The following KSR2 variants were observed in gnomAD, a reference collection of about 807,000 sequenced individuals.
KSR2 encodes kinase suppressor of ras 2.
A neutral mutation model predicts 107.8 loss-of-function variants in KSR2; 25 were observed. The ratio of observed to expected loss-of-function variants is 0.23; its 90% confidence interval spans 0.17 to 0.32. KSR2 has a LOEUF of 0.32. Among genes scored for constraint, KSR2 ranks in the 10% least tolerant of loss-of-function variants. KSR2 has a pLI of 1.00. For synonymous variants in KSR2, 480 were observed against 507.0 expected, an observed-to-expected ratio of 0.95 and a Z score of 0.71; for missense variants, 887 against 1,268.9, an observed-to-expected ratio of 0.70 and a Z score of 4.57.
rs1293394344 is a variant in KSR2, at chr12:117,539,767, G to A, written c.1639C>T (p.His547Tyr). ...PPSATPPSPL[H>Y]PSPQCTRQQK... is the part of the protein sequence containing the mutation. Reference sequence around the variant, plus strand: ...TGCCGTGTGCACTGTGGGGAAGGGTGTAGGGGAGAAGGCGGCGTGGCACTA... The same window carrying A: ...TGCCGTGTGCACTGTGGGGAAGGGTATAGGGGAGAAGGCGGCGTGGCACTA... Residue 547 changes from histidine (H) to tyrosine (Y), a missense_variant, in exon 10 of 20, where the codon CAC becomes TAC. His to Tyr is a moderately conservative substitution (Grantham distance 83). Coordinates refer to ENST00000339824, the MANE Select transcript of KSR2 (RefSeq NM_173598.6). 6.2e-7 allele frequency: 1 copy of A among 1,608,528 alleles called. No homozygotes were observed.
intron 5 of KSR2, among the ~76,000 whole-genome samples, chr12:117,633,311 A>G (rs1882895785): frequency 6.6e-6 from 1 of 152,148 alleles, no homozygotes; most frequent in Non-Finnish European, 1.5e-5. Flanking sequence ...TTCTTCTCAT[A>G]TCTGGCTCCT....
chr12:117,597,061 C>G (rs1324062441), intron 5 of KSR2, among the ~76,000 whole-genome samples: 1 of 152,034 alleles, frequency 6.6e-6, no homozygotes, highest in East Asian at 1.9e-4. Flanking sequence ...TACGTATCTC[C>G]CGTGCAAGGG....
chr12:117,860,196 T>C, intron 2 of KSR2, 95 bp downstream of exon 2: 1 of 1,340,964 alleles, frequency 7.5e-7, no homozygotes, highest in Non-Finnish European at 1.0e-6. Flanking sequence ...CCAGGGACTG[T>C]GCTGGGCACA....
intron 1 of KSR2, among the ~76,000 whole-genome samples, chr12:117,871,965 T>A (rs1366213822): frequency 2.0e-5 from 3 of 152,224 alleles, no homozygotes; most frequent in East Asian, 1.9e-4. Context: ...TTTATTTTTC[T>A]ATAAGCCTGA....
chr12:117,644,341 G>A (rs978763070), intron 5 of KSR2, among the ~76,000 whole-genome samples: 5 of 152,144 alleles, frequency 3.3e-5, no homozygotes, highest in Admixed American at 6.5e-5. Flanking sequence ...GAAAAAGTTC[G>A]CAGCATCTAC....
At chr12:117,652,276 C>T (rs1883936909) in intron 5 of KSR2, among the ~76,000 whole-genome samples, 1 of 151,922 alleles carries the variant, frequency 6.6e-6, no homozygotes. Context: ...ACTCATGTAA[C>T]CAAATACCAC....
At position 117,758,881 on chromosome 12, in the gene KSR2, G is replaced by A. The variant is rs561979229; in HGVS notation, c.986+2130C>T. ...GAGAAGCACAAAGTGTGGGGCCACC[G>A]TAGCAACCAAACCCCAAATGCCTCT... is the stretch of plus-strand genomic sequence containing the variant. On this transcript the variant is annotated intron_variant, in intron 4 of 19. Transcript: ENST00000339824. 2.2e-4 allele frequency among the ~76,000 whole-genome samples: 34 copies of A among 152,190 alleles called. No individual in the cohort carries two copies. The East Asian group carries it at 2.9e-3, about 13-fold the overall frequency.
chr12:117,674,261 C>T, intron 4 of KSR2: 1 of 503,938 alleles, frequency 2.0e-6, no homozygotes, highest in South Asian at 1.5e-5. Context: ...TGTTCTGGTC[C>T]AAGCCACCAC....
chr12:117,509,634 A>G (rs780810560), intron 14 of KSR2, among the ~76,000 whole-genome samples: 2 of 152,192 alleles, frequency 1.3e-5, no homozygotes, highest in Admixed American at 6.5e-5. Context: ...ACAGTCCTCA[A>G]TGGTCTACAA....
At position 117,539,816 on chromosome 12, in the gene KSR2, G is replaced by A. The variant is rs375430100; in HGVS notation, c.1590C>T (p.Ser530=). Residue 530 remains serine (S), a synonymous_variant, in exon 10 of 20, where the codon TCC becomes TCT. Coordinates refer to ENST00000339824, the MANE Select transcript of KSR2 (RefSeq NM_173598.6). ...TAGGAGGGAGGGGGGGTGCTGGCGA[G>A]GAGGGCGTGGAGGACGTCGTGGAGG... ...NPSSTTSSTP[S]SPAPPLPPSA... is the part of the protein sequence containing the mutation. 1.2e-3 allele frequency: 1,972 copies of A among 1,610,152 alleles called. 2 individuals are homozygous for A. The highest frequency in any genetic ancestry group is 1.6e-3 in the Non-Finnish European group (1,864 of 1,178,592).
intron 5 of KSR2, among the ~76,000 whole-genome samples, chr12:117,628,752 C>G (rs970749347): frequency 2.6e-5 from 4 of 152,246 alleles, no homozygotes; most frequent in African/African-American, 9.6e-5. Context: ...CAGACAGGGA[C>G]ATTTAAGTCT....
intron 17 of KSR2, among the ~76,000 whole-genome samples, chr12:117,472,022 GA>G (rs1871489008): frequency 6.6e-6 from 1 of 151,466 alleles, no homozygotes; most frequent in Non-Finnish European, 1.5e-5. Flanking sequence ...CGGAACGGTG[GA>G]AAGAAAAAAA....
At chr12:117,514,418 CTG>C (rs1427694087) in intron 14 of KSR2, among the ~76,000 whole-genome samples, 3 of 152,204 alleles carry the variant, frequency 2.0e-5, no homozygotes, top group African/African-American at 7.2e-5. Flanking sequence ...GCAAACCAGA[CTG>C]TGTCCCTCCT....
chr12:117,508,429 G>A (rs1211129766), intron 14 of KSR2, among the ~76,000 whole-genome samples: 2 of 152,224 alleles, frequency 1.3e-5, no homozygotes, highest in Non-Finnish European at 2.9e-5. Flanking sequence ...TTGCTGAACA[G>A]CTAGGTGGCT....
At position 117,519,418 on chromosome 12, in the gene KSR2, AGAGGTTCTGATTCAGCGGGG is replaced by A. The variant is rs571917498; in HGVS notation, c.2219+5414_2219+5433del. ...AACCCAGCTTGTTGGACACACCCGCAGAGGTTCTGATTCAGCGGGGGAGGGTGGGAGAGAGAATTAACATT... is the reference window on the plus strand; with the variant it reads ...AACCCAGCTTGTTGGACACACCCGCAGAGGGTGGGAGAGAGAATTAACATT... On this transcript the variant is annotated intron_variant, in intron 14 of 19. Transcript: ENST00000339824. 3.3e-5 allele frequency among the ~76,000 whole-genome samples: 5 copies of A among 152,384 alleles called. No homozygotes were observed. In the South Asian group the frequency reaches 1.0e-3, roughly 32 times the overall value.
At chr12:117,509,872 C>T (rs554768973) in intron 14 of KSR2, among the ~76,000 whole-genome samples, 11 of 152,270 alleles carry the variant, frequency 7.2e-5, no homozygotes, top group East Asian at 1.9e-4. Flanking sequence ...GACTCGAAGT[C>T]GAATCTTTTG....
chr12:117,545,566 T>C (rs1876799590), intron 9 of KSR2, among the ~76,000 whole-genome samples: 2 of 152,348 alleles, frequency 1.3e-5, no homozygotes, highest in Admixed American at 6.5e-5. Flanking sequence ...ATTTAAGCTA[T>C]AAAATGTATA....
At chr12:117,910,747 G>A (rs1243073363) in intron 1 of KSR2, among the ~76,000 whole-genome samples, 1 of 152,060 alleles carries the variant, frequency 6.6e-6, no homozygotes, top group African/African-American at 2.4e-5. Flanking sequence ...ATGTTGCTTT[G>A]GAAACTTTGT....
chr12:117,518,828 T>C (rs1313178432), intron 14 of KSR2, among the ~76,000 whole-genome samples: 1 of 152,242 alleles, frequency 6.6e-6, no homozygotes, highest in Non-Finnish European at 1.5e-5. Flanking sequence ...CCTCTTGGCA[T>C]GGCCAATGCC....
Sources: gnomAD v4.1 joint callset for allele counts (sites outside exome capture counted in the v4.1 genomes callset) on GRCh38, gnomAD v4.1.1 for gene constraint, MANE v1.5 for transcripts, NCBI Gene and HGNC (gene_info 2026-07-23, HGNC 2026-07-21) for gene names.